Variants in AP3S1 observed in about 807,000 individuals in gnomAD.
The protein encoded by AP3S1 is AP-3 complex subunit sigma-1.
Under a neutral mutation model 21.3 loss-of-function variants are expected in AP3S1, and 12 were observed. The ratio of observed to expected loss-of-function variants is 0.56; its 90% CI spans 0.36 to 0.91. The LOEUF is 0.91. AP3S1 is among the 40% of genes least tolerant of loss of function. The pLI, the probability that AP3S1 is intolerant of heterozygous loss-of-function variation, is 0.01. For synonymous variants in AP3S1, 48 were observed against 78.4 expected (o/e 0.61, Z 2.05); for missense variants, 116 against 225.0 (o/e 0.52, Z 3.10).
intron 1 of AP3S1, among the ~76,000 whole-genome samples, chr5:115,858,602 T>C (rs141107628): frequency 8.0e-4 from 121 of 152,146 alleles, no homozygotes; most frequent in Middle Eastern, 3.4e-3. Context: ...GTCTCCTTTT[T>C]TCAGTTTTTC....
Position 115,889,664 on chromosome 5 carries a change from G to A in AP3S1, c.274-5423G>A, listed in dbSNP as rs145732769. The stretch of plus-strand genomic sequence containing the variant: ...TTTGTAATACATATGACAAAAGACT[G>A]TAGCTAGACTATATAAAGAATTCCT... On this transcript the variant is annotated intron_variant, in intron 3 of 5. Transcript: ENST00000316788. Among the ~76,000 whole-genome samples, 5 of 152,266 alleles carry A rather than the reference G, an allele frequency of 3.3e-5. No homozygotes were observed. In the East Asian group the frequency reaches 7.7e-4, roughly 23 times the overall value.
intron 3 of AP3S1, among the ~76,000 whole-genome samples, chr5:115,889,283 T>C (rs561487183): frequency 3.1e-4 from 47 of 152,210 alleles, no homozygotes; most frequent in African/African-American, 9.2e-4. Context: ...AGGTAATCAA[T>C]GGAACTAGAA....
chr5:115,866,589 C>CT, intron 1 of AP3S1, 81 bp from the exon 2 acceptor site: 1 of 941,650 alleles, frequency 1.1e-6, no homozygotes, highest in Non-Finnish European at 1.5e-6. Flanking sequence ...ACAGATATTG[C>CT]TACCTTTGAT....
rs570663867 is a variant in AP3S1, at chr5:115,844,628, G to A, written c.69+2522G>A. 2.4e-4 allele frequency among the ~76,000 whole-genome samples: 37 copies of A among 152,298 alleles called. No homozygotes were observed. In the South Asian group the frequency reaches 7.5e-3, roughly 31 times the overall value. ...GTGTAAGGGAACATTAGTTGGAAGT[G>A]TCTGTTTGTGTAGGGCGTCATTCTA... On this transcript the variant is annotated intron_variant, in intron 1 of 5. Coordinates refer to ENST00000316788, the MANE Select transcript of AP3S1 (RefSeq NM_001284.4).
intron 3 of AP3S1, among the ~76,000 whole-genome samples, chr5:115,878,898 G>A (rs1749011072): frequency 1.3e-5 from 2 of 152,138 alleles, no homozygotes. Context: ...AATTCTCCTT[G>A]AAGAGGCCCT....
At chr5:115,854,689 T>G (rs183750132) in intron 1 of AP3S1, among the ~76,000 whole-genome samples, 33 of 152,234 alleles carry the variant, frequency 2.2e-4, no homozygotes, top group African/African-American at 7.0e-4. Context: ...CTTTTTTTTT[T>G]TTTAAGTGCA....
intron 3 of AP3S1, among the ~76,000 whole-genome samples, chr5:115,880,271 G>A (rs1209467948): frequency 6.6e-6 from 1 of 152,176 alleles, no homozygotes; most frequent in Admixed American, 6.5e-5. Flanking sequence ...TGCTTCTCTA[G>A]TTCTTTTAAT....
intron 1 of AP3S1, among the ~76,000 whole-genome samples, chr5:115,855,869 G>C (rs1331941892): frequency 2.6e-5 from 4 of 151,834 alleles, no homozygotes; most frequent in Non-Finnish European, 5.9e-5. Flanking sequence ...AGAATGATGA[G>C]GATGGGAGAT....
intron 3 of AP3S1, among the ~76,000 whole-genome samples, chr5:115,892,430 A>G (rs181235035): frequency 1.4e-4 from 21 of 152,366 alleles, no homozygotes; most frequent in Non-Finnish European, 1.2e-4. Flanking sequence ...CAGACGAATA[A>G]TGGATAAAGA....
At chr5:115,867,127 T>C (rs2112829900) in intron 2 of AP3S1, among the ~76,000 whole-genome samples, 1 of 152,294 alleles carries the variant, frequency 6.6e-6, no homozygotes, top group East Asian at 1.9e-4. Context: ...AAGTATGTTA[T>C]ATGTGTTGAC....
In AP3S1 at chr5:115,842,111, G is replaced by T. The variant is rs761967631; in HGVS notation, c.69+5G>T. The T allele has an allele frequency of 9.0e-7, 1 of 1,104,998 alleles. No homozygotes were observed. The highest frequency in any genetic ancestry group is 1.2e-6 in the Non-Finnish European group (1 of 824,496). 68.4% of individuals were successfully genotyped at this position (1,104,998 alleles called of 1,614,324 possible). On this transcript the variant is annotated splice_donor_5th_base_variant and intron_variant, in intron 1 of 5. Coordinates refer to ENST00000316788, the MANE Select transcript of AP3S1 (RefSeq NM_001284.4). ...TCCAAGTTCTACCAGCCCTACGTGAGTATCCAGCCGCCGCTGATCCGGGCG... is the reference window on the plus strand; with the variant it reads ...TCCAAGTTCTACCAGCCCTACGTGATTATCCAGCCGCCGCTGATCCGGGCG...
At chr5:115,853,206 T>C (rs1215625752) in intron 1 of AP3S1, among the ~76,000 whole-genome samples, 1 of 152,208 alleles carries the variant, frequency 6.6e-6, no homozygotes, top group East Asian at 1.9e-4. Context: ...GATTTTCACT[T>C]ACATTTTCCT....
At chr5:115,908,426 G>C (rs1026790364) in intron 5 of AP3S1, among the ~76,000 whole-genome samples, 3 of 152,094 alleles carry the variant, frequency 2.0e-5, no homozygotes, top group Admixed American at 6.5e-5. Flanking sequence ...ACTGATGGTG[G>C]AAGGTCAGCT....
chr5:115,893,483 T>C (rs1255488966), intron 3 of AP3S1, among the ~76,000 whole-genome samples: 3 of 152,216 alleles, frequency 2.0e-5, no homozygotes, highest in Non-Finnish European at 2.9e-5. Context: ...CCATCGATAG[T>C]AAACTATTAG....
chr5:115,893,747 C>A (rs1297924583), intron 3 of AP3S1, among the ~76,000 whole-genome samples: 1 of 152,162 alleles, frequency 6.6e-6, no homozygotes, highest in Non-Finnish European at 1.5e-5. Context: ...GATGACTATT[C>A]ATTTCAATAA....
intron 1 of AP3S1, chr5:115,842,388 C>T (rs539296784): frequency 1.8e-5 from 6 of 333,258 alleles, no homozygotes; most frequent in Non-Finnish European, 3.2e-5. Context: ...TGGAGACTTC[C>T]CGGGGCCCGG....
chr5:115,883,148 G>T (rs1749460460), intron 3 of AP3S1, among the ~76,000 whole-genome samples: 1 of 152,204 alleles, frequency 6.6e-6, no homozygotes, highest in South Asian at 2.1e-4. Flanking sequence ...CATGGCGGTG[G>T]GATCCACTGA....
intron 5 of AP3S1, among the ~76,000 whole-genome samples, chr5:115,906,064 G>A (rs1035504237): frequency 1.3e-5 from 2 of 152,148 alleles, no homozygotes; most frequent in Admixed American, 6.5e-5. Flanking sequence ...AGCCTGACGC[G>A]CAAGAATCGC....
chr5:115,874,820 G>A (rs1748562127), intron 3 of AP3S1, among the ~76,000 whole-genome samples: 2 of 151,906 alleles, frequency 1.3e-5, no homozygotes, highest in African/African-American at 4.8e-5. Context: ...CAGACAAGAG[G>A]TTGTTAGAAA....
Sources: allele counts gnomAD v4.1 joint callset (sites outside exome capture counted in the v4.1 genomes callset), GRCh38; gene constraint gnomAD v4.1.1; transcripts MANE v1.5; gene names NCBI Gene and HGNC (gene_info 2026-07-23, HGNC 2026-07-21).